KANK1: variants seen among roughly 807,000 people sequenced by gnomAD.
The protein encoded by KANK1 is KN motif and ankyrin repeat domains 1.
Under a neutral mutation model 106.2 loss-of-function variants are expected in KANK1, and 109 were observed. The observed-to-expected ratio is 1.03, with a 90% CI of 0.88 to 1.20. The LOEUF (loss-of-function observed/expected upper bound fraction) is 1.20, where lower values mean the gene tolerates loss of function less well. Ranked by LOEUF, KANK1 falls within the 50% of genes most tolerant of loss-of-function variation. KANK1 has a pLI of 0.00. For missense variants in KANK1, 2,399 were observed against 1,710.7 expected (o/e 1.40, Z -7.10); for synonymous variants, 873 against 652.2 (o/e 1.34, Z -5.16).
intron 2 of KANK1, chr9:684,618 C>A: frequency 1.0e-6 from 1 of 981,460 alleles, no homozygotes; most frequent in Non-Finnish European, 1.2e-6. Flanking sequence ...TCCCCTCTTT[C>A]TTGAATGAGT....
At chr9:617,379 A>G (rs1832100081) in intron 1 of KANK1, among the ~76,000 whole-genome samples, 1 of 152,170 alleles carries the variant, frequency 6.6e-6, no homozygotes, top group African/African-American at 2.4e-5. Flanking sequence ...GGTTGTGGCA[A>G]ATGTCTAAAA....
upstream of KANK1, among the ~76,000 whole-genome samples, chr9:500,504 G>A (rs1314491410): frequency 1.3e-5 from 2 of 152,172 alleles, no homozygotes; most frequent in Non-Finnish European, 2.9e-5. Context: ...CTATGCTGAT[G>A]AAGACTTTTT....
intron 1 of KANK1, among the ~76,000 whole-genome samples, chr9:510,880 A>G (rs183194639): frequency 1.9e-3 from 286 of 152,292 alleles, no homozygotes; most frequent in Non-Finnish European, 3.4e-3. Context: ...AAATTCAGTG[A>G]TAATTTCTCT....
chr9:686,708 G>A (rs1379604266), intron 2 of KANK1: 1 of 951,410 alleles, frequency 1.1e-6, no homozygotes, highest in African/African-American at 1.8e-5. Flanking sequence ...GGAAATGGCA[G>A]CATCACGTCA....
rs769765855 is a variant in KANK1, at chr9:712,658, G to C, written c.1892G>C (p.Gly631Ala). ...NLKEVRSIGCGDCSVDVTVCS... is the reference protein window; with the variant it reads ...NLKEVRSIGCADCSVDVTVCS... ...AAAGAAGTGCGGTCTATCGGTTGTGGAGATTGTTCTGTTGACGTGACCGTC... is the reference window on the plus strand; with the variant it reads ...AAAGAAGTGCGGTCTATCGGTTGTGCAGATTGTTCTGTTGACGTGACCGTC... The change falls in exon 3 of 12, where the codon GGA (glycine) becomes GCA (alanine). Residue 631 changes from glycine to alanine, a missense_variant. Coordinates refer to ENST00000382297, the MANE Select transcript of KANK1 (RefSeq NM_015158.5). 1.2e-6 allele frequency: 2 copies of C among 1,614,034 alleles called. No homozygotes were observed. The highest frequency in any genetic ancestry group is 2.7e-5 in the African/African-American group (2 of 74,912).
chr9:709,914 C>T (rs1825462504), intron 2 of KANK1, among the ~76,000 whole-genome samples: 2 of 152,104 alleles, frequency 1.3e-5, no homozygotes, highest in Admixed American at 1.3e-4. Flanking sequence ...CCGTGCCCAG[C>T]CTTTCGTGTC....
chr9:491,786 C>T (rs889287212), intron 3 of KANK1, among the ~76,000 whole-genome samples: 29 of 152,164 alleles, frequency 1.9e-4, no homozygotes, highest in South Asian at 2.1e-4. Context: ...GGAAGGAACC[C>T]GGTGGGAGGT....
In KANK1 at chr9:712,825, G is replaced by A. The variant is rs116060855; in HGVS notation, c.2059G>A (p.Glu687Lys). 1.9e-5 allele frequency: 30 copies of A among 1,613,896 alleles called. No individual in the cohort carries two copies. Among genetic ancestry groups the A allele is most frequent in the Admixed American group, 1.2e-4 (7 of 59,978 alleles). ...LEQVHQFTNT[E>K]TATLIESCTN... Reference sequence around the variant, plus strand: ...ACAGGTGCACCAGTTCACCAACACCGAGACGGCCACCCTCATAGAGTCCTG... The same window carrying A: ...ACAGGTGCACCAGTTCACCAACACCAAGACGGCCACCCTCATAGAGTCCTG... The change falls in exon 3 of 12, where the codon GAG becomes AAG. Residue 687 changes from glutamate (E) to lysine (K), a missense_variant. Physicochemically the swap from Glu to Lys is moderately conservative, Grantham distance 56. Transcript: ENST00000382297.
At chr9:522,565 G>A (rs771557805) in intron 1 of KANK1, among the ~76,000 whole-genome samples, 7 of 151,686 alleles carry the variant, frequency 4.6e-5, no homozygotes, top group African/African-American at 1.7e-4. Context: ...GGGGGTCCTG[G>A]TGTACCCCAG....
rs149046166 is a variant in KANK1, at chr9:595,113, T to C, written c.-83-81777T>C. On this transcript the variant is annotated intron_variant, in intron 1 of 11. Coordinates refer to ENST00000382297, the MANE Select transcript of KANK1 (RefSeq NM_015158.5). ...ATTGAAATAGCCAAAACAAATAATA[T>C]AAATTAAAATGCAACGATGGCCCGG... Among the ~76,000 whole-genome samples, 245 of 152,012 alleles carry C rather than the reference T, an allele frequency of 1.6e-3. 11 individuals are homozygous for C. The highest frequency in any genetic ancestry group is 5.5e-3 in the African/African-American group (229 of 41,298).
chr9:736,760 T>C (rs1269442622), intron 7 of KANK1, among the ~76,000 whole-genome samples: 2 of 152,186 alleles, frequency 1.3e-5, no homozygotes, highest in Non-Finnish European at 2.9e-5. Context: ...TTCTTGGATT[T>C]GTATTCATGA....
chr9:702,363 ATTAC>A (rs1822896090), intron 2 of KANK1, among the ~76,000 whole-genome samples: 2 of 152,248 alleles, frequency 1.3e-5, no homozygotes, highest in South Asian at 4.1e-4. Flanking sequence ...TCTGCCTTTA[ATTAC>A]TTTTCTATGC....
At chr9:557,955 T>C (rs995486553) in intron 1 of KANK1, among the ~76,000 whole-genome samples, 2 of 151,994 alleles carry the variant, frequency 1.3e-5, no homozygotes, top group Non-Finnish European at 2.9e-5. Context: ...CAGTGAGCTA[T>C]GATCGCGCCA....
At chr9:562,462 A>G (rs1261157553) in intron 1 of KANK1, among the ~76,000 whole-genome samples, 1 of 152,208 alleles carries the variant, frequency 6.6e-6, no homozygotes, top group Admixed American at 6.5e-5. Flanking sequence ...AAAGAGCTCA[A>G]AGTGATTTTG....
intron 1 of KANK1, among the ~76,000 whole-genome samples, chr9:554,307 T>G (rs543985481): frequency 1.3e-5 from 2 of 152,322 alleles, no homozygotes; most frequent in African/African-American, 2.4e-5. Context: ...TGCGCTGATG[T>G]CTGAGGGCAG....
intron 1 of KANK1, among the ~76,000 whole-genome samples, chr9:658,502 C>T (rs565758155): frequency 6.6e-6 from 1 of 151,916 alleles, no homozygotes; most frequent in Non-Finnish European, 1.5e-5. Context: ...TGATGAAGAC[C>T]GCATTGTCAA....
At chr9:650,719 A>C (rs1431929639) in intron 1 of KANK1, among the ~76,000 whole-genome samples, 1 of 152,170 alleles carries the variant, frequency 6.6e-6, no homozygotes, top group Middle Eastern at 3.4e-3. Flanking sequence ...GTAAAGCTTA[A>C]GTATTGTCCC....
chr9:722,647 A>G (rs533190434), intron 3 of KANK1, among the ~76,000 whole-genome samples: 79 of 152,326 alleles, frequency 5.2e-4, no homozygotes, highest in African/African-American at 1.4e-3. Context: ...CAGAGTTTCA[A>G]CACCATCCAA....
rs535914702 is a variant in KANK1 at position 483,782 on chromosome 9, G to C, written c.-362+10509G>C. 2.6e-5 allele frequency among the ~76,000 whole-genome samples: 4 copies of C among 152,236 alleles called. No homozygotes were observed. The South Asian group carries it at 8.3e-4, about 32-fold the overall frequency. ...TCAGGGTAGAGGAGAGGGCTGGACA[G>C]GCACTCTTGACAACCTGCTAGCTCT... On this transcript the variant is annotated intron_variant, in intron 3 of 15. Coordinates refer to the KANK1 transcript ENST00000382303.
Sources: allele counts gnomAD v4.1 joint callset (sites outside exome capture counted in the v4.1 genomes callset), GRCh38; gene constraint gnomAD v4.1.1; transcripts MANE v1.5; gene names NCBI Gene and HGNC (gene_info 2026-07-23, HGNC 2026-07-21).